The following ADAMTSL1 variants were observed in gnomAD, a reference collection of about 807,000 sequenced individuals.
ADAMTSL1 encodes ADAMTS-like protein 1.
Under a neutral mutation model 201.8 loss-of-function variants are expected in ADAMTSL1, and 126 were observed. That is an observed-to-expected ratio of 0.62 (90% CI 0.54 to 0.72). The LOEUF (loss-of-function observed/expected upper bound fraction) is 0.72, where lower values mean the gene tolerates loss of function less well. Ranked by LOEUF, ADAMTSL1 falls within the 30% of genes least tolerant of loss-of-function variation. The pLI is 0.00. For synonymous variants in ADAMTSL1, 1,121 were observed against 903.4 expected (o/e 1.24, Z -4.32); for missense variants, 2,679 against 2,277.8 (o/e 1.18, Z -3.59).
intron 2 of ADAMTSL1, among the ~76,000 whole-genome samples, chr9:18,193,161 C>A (rs937733142): frequency 6.6e-6 from 1 of 152,024 alleles, no homozygotes; most frequent in Admixed American, 6.6e-5. Flanking sequence ...GAACTCATCC[C>A]CAGCAGATTC....
At chr9:18,543,979 T>A (rs1431233489) in intron 3 of ADAMTSL1, among the ~76,000 whole-genome samples, 2 of 152,192 alleles carry the variant, frequency 1.3e-5, no homozygotes, top group South Asian at 2.1e-4. Flanking sequence ...TATCCTCTGC[T>A]TCAACTCTGA....
chr9:18,314,782 C>CTTTTTTTTT lies in ADAMTSL1; in HGVS notation c.207+150825_207+150833dup. On this transcript the variant is annotated intron_variant, in intron 2 of 29. Coordinates refer to the ADAMTSL1 transcript ENST00000680146. ...TGCCACTGCTGCCTTCGGCAGCGTG[C>CTTTTTTTTT]TTTTTTTTTTTTTTTTTTTTTTTTT... is the stretch of plus-strand genomic sequence containing the variant. 1.4e-3 allele frequency among the ~76,000 whole-genome samples: 72 copies of CTTTTTTTTT among 49,844 alleles called. 18 individuals are homozygous for CTTTTTTTTT. Among genetic ancestry groups the CTTTTTTTTT allele is most frequent in the Non-Finnish European group, 2.0e-3 (56 of 28,068 alleles). The allele number at this position is 49,844 out of a possible 152,430, so 32.7% of individuals were successfully genotyped here. A position where few individuals can be genotyped will look rare whatever the true frequency, so the allele number is the denominator to read the frequency against.
chr9:18,250,452 G>C (rs1831418889), intron 2 of ADAMTSL1, among the ~76,000 whole-genome samples: 1 of 152,204 alleles, frequency 6.6e-6, no homozygotes, highest in African/African-American at 2.4e-5. Flanking sequence ...AGGGGATGTG[G>C]TTGCCCTGGT....
intron 8 of ADAMTSL1, among the ~76,000 whole-genome samples, chr9:18,660,570 T>C (rs1829017985): frequency 6.6e-6 from 1 of 152,248 alleles, no homozygotes; most frequent in Admixed American, 6.5e-5. Flanking sequence ...TACTACATGA[T>C]AAATTCTGTC....
intron 2 of ADAMTSL1, among the ~76,000 whole-genome samples, chr9:18,217,228 T>G (rs1272158092): frequency 1.3e-5 from 2 of 152,176 alleles, no homozygotes; most frequent in Admixed American, 6.5e-5. Context: ...AATAAAGTGT[T>G]TTTACATGTT....
intron 1 of ADAMTSL1, among the ~76,000 whole-genome samples, chr9:17,947,758 G>A (rs1458130161): frequency 1.3e-5 from 2 of 152,142 alleles, no homozygotes; most frequent in African/African-American, 4.8e-5. Flanking sequence ...CAAGCATCCA[G>A]TTAATGGCAT....
chr9:18,268,334 C>A (rs1001751099), intron 2 of ADAMTSL1, among the ~76,000 whole-genome samples: 1 of 152,106 alleles, frequency 6.6e-6, no homozygotes, highest in Non-Finnish European at 1.5e-5. Context: ...CACTGGTTTT[C>A]CCCCCTTCTT....
At chr9:18,231,845 A>G (rs1299525890) in intron 2 of ADAMTSL1, among the ~76,000 whole-genome samples, 1 of 152,156 alleles carries the variant, frequency 6.6e-6, no homozygotes, top group African/African-American at 2.4e-5. Flanking sequence ...GCTTACAGCA[A>G]ATACTACTAA....
At chr9:18,110,543 T>C (rs548268255) in intron 1 of ADAMTSL1, among the ~76,000 whole-genome samples, 1 of 152,304 alleles carries the variant, frequency 6.6e-6, no homozygotes, top group East Asian at 1.9e-4. Flanking sequence ...TGAGACATCC[T>C]GAGCTTGAGG....
At chr9:18,157,074 A>G (rs1827188861) in intron 1 of ADAMTSL1, among the ~76,000 whole-genome samples, 1 of 152,042 alleles carries the variant, frequency 6.6e-6, no homozygotes, top group Non-Finnish European at 1.5e-5. Context: ...TCATCTAAAA[A>G]GTCAGCTTGG....
At chr9:18,838,469 C>A (rs1384114959) in intron 23 of ADAMTSL1, among the ~76,000 whole-genome samples, 2 of 150,108 alleles carry the variant, frequency 1.3e-5, no homozygotes, top group African/African-American at 4.9e-5. Context: ...CTCTAAAGAG[C>A]CTGGAGTTTC....
chr9:18,611,734 T>C (rs1328163842), intron 4 of ADAMTSL1, among the ~76,000 whole-genome samples: 2 of 152,216 alleles, frequency 1.3e-5, no homozygotes, highest in African/African-American at 4.8e-5. Flanking sequence ...TTTAAAATGT[T>C]TGCCATCTTA....
intron 1 of ADAMTSL1, among the ~76,000 whole-genome samples, chr9:18,054,201 C>T (rs1306959762): frequency 2.0e-5 from 3 of 152,122 alleles, no homozygotes; most frequent in Admixed American, 6.5e-5. Flanking sequence ...TGTATAAACA[C>T]AGACATACAT....
At chr9:18,686,043 C>T (rs534821139) in intron 13 of ADAMTSL1, among the ~76,000 whole-genome samples, 23 of 152,074 alleles carry the variant, frequency 1.5e-4, no homozygotes, top group African/African-American at 4.8e-4. Flanking sequence ...CTCAGCCTAC[C>T]GAGTAGCTGG....
intron 2 of ADAMTSL1, among the ~76,000 whole-genome samples, chr9:18,418,183 G>C (rs894641860): frequency 6.6e-6 from 1 of 152,144 alleles, no homozygotes; most frequent in African/African-American, 2.4e-5. Context: ...AGGAAAAGAA[G>C]GGAGTTTCTT....
chr9:18,269,134 T>A (rs1288764542), intron 2 of ADAMTSL1, among the ~76,000 whole-genome samples: 1 of 152,138 alleles, frequency 6.6e-6, no homozygotes, highest in African/African-American at 2.4e-5. Context: ...TGATAAATAA[T>A]CCTTATGCTA....
At chr9:18,783,140 T>C (rs1821497769) in intron 19 of ADAMTSL1, among the ~76,000 whole-genome samples, 1 of 152,208 alleles carries the variant, frequency 6.6e-6, no homozygotes, top group Non-Finnish European at 1.5e-5. Flanking sequence ...ACAACACTAT[T>C]GATCTTTACT....
intron 3 of ADAMTSL1, among the ~76,000 whole-genome samples, chr9:18,558,153 TC>T: frequency 6.6e-6 from 1 of 152,226 alleles, no homozygotes; most frequent in East Asian, 1.9e-4. Flanking sequence ...ATGCTATCCC[TC>T]CCCTAGTCCT....
rs146628094 is a variant in ADAMTSL1, at chr9:18,692,216, G to A, written c.1574+7416G>A. ...TATTTAAATAAAAAGAGATTTATGA[G>A]TAATTACAAAAATGAGTAAGAAAAG... On this transcript the variant is annotated intron_variant, in intron 13 of 28. Coordinates refer to ENST00000380548, the MANE Select transcript of ADAMTSL1 (RefSeq NM_001040272.6). Among the ~76,000 whole-genome samples, 686 of 152,266 alleles carry A rather than the reference G, an allele frequency of 4.5e-3. 3 individuals are homozygous for A. The highest frequency in any genetic ancestry group is 0.016 in the African/African-American group (654 of 41,558).
Sources: allele counts gnomAD v4.1 joint callset (sites outside exome capture counted in the v4.1 genomes callset), GRCh38; gene constraint gnomAD v4.1.1; transcripts MANE v1.5; gene names NCBI Gene and HGNC (gene_info 2026-07-23, HGNC 2026-07-21).